The following PDIA5 variants were observed in gnomAD, a reference collection of about 807,000 sequenced individuals.
PDIA5 encodes the protein protein disulfide-isomerase A5.
In PDIA5, 58 loss-of-function variants were observed where a neutral mutation model predicts 77.6. The observed-to-expected ratio is 0.75, with a 90% CI of 0.61 to 0.93. The LOEUF (loss-of-function observed/expected upper bound fraction) is 0.93. PDIA5 is among the 40% of genes least tolerant of loss of function. The pLI is 0.00. For missense variants in PDIA5, 630 were observed against 647.7 expected (o/e 0.97, Z 0.30); for synonymous variants, 250 against 252.1 (o/e 0.99, Z 0.08).
At chr3:123,160,644 C>T (rs1253340067) in intron 15 of PDIA5, among the ~76,000 whole-genome samples, 3 of 152,176 alleles carry the variant, frequency 2.0e-5, no homozygotes, top group South Asian at 2.1e-4. Context: ...TAAGTGGGGA[C>T]AGAGCTTGTA....
chr3:123,111,049 C>G, intron 7 of PDIA5, 45 bp downstream of exon 7: 1 of 1,056,932 alleles, frequency 9.5e-7, no homozygotes, highest in Non-Finnish European at 1.4e-6. Flanking sequence ...TGTTTAGTCT[C>G]TTTGTGGGTG....
At chr3:123,116,979 A>G (rs1193740694) in intron 8 of PDIA5, among the ~76,000 whole-genome samples, 2 of 137,530 alleles carry the variant, frequency 1.5e-5, no homozygotes, top group African/African-American at 2.7e-5. Context: ...AGCAGCTGGG[A>G]TGGGGCGGGG....
At chr3:123,131,802 G>C (rs548378076) in intron 11 of PDIA5, among the ~76,000 whole-genome samples, 2 of 152,010 alleles carry the variant, frequency 1.3e-5, no homozygotes, top group East Asian at 3.9e-4. Flanking sequence ...GTTTCCAAGA[G>C]GGACAAGGCT....
chr3:123,151,283 G>A (rs577057298), intron 14 of PDIA5, among the ~76,000 whole-genome samples: 10 of 152,330 alleles, frequency 6.6e-5, no homozygotes, highest in African/African-American at 1.2e-4. Context: ...CAGAGCTTCC[G>A]GCTGTCCTCT....
chr3:123,136,537 G>A (rs1001994638), intron 11 of PDIA5, among the ~76,000 whole-genome samples: 2 of 151,968 alleles, frequency 1.3e-5, no homozygotes, highest in Non-Finnish European at 2.9e-5. Flanking sequence ...TCAGAAGTTC[G>A]AGACCAGCCT....
intron 7 of PDIA5, among the ~76,000 whole-genome samples, chr3:123,111,268 G>T (rs1934857339): frequency 6.6e-6 from 1 of 152,122 alleles, no homozygotes; most frequent in Admixed American, 6.6e-5. Flanking sequence ...ACCCTGTTTG[G>T]TCAGCTCCAC....
chr3:123,115,199 T>G (rs1934967283), intron 7 of PDIA5, among the ~76,000 whole-genome samples: 2 of 152,208 alleles, frequency 1.3e-5, no homozygotes, highest in South Asian at 4.1e-4. Flanking sequence ...AGCCCTGTTT[T>G]GTAGCAGAGA....
chr3:123,105,352 C>G (rs898312464), intron 5 of PDIA5, among the ~76,000 whole-genome samples: 1 of 152,244 alleles, frequency 6.6e-6, no homozygotes. Flanking sequence ...CAGCATCTTT[C>G]TCACATGGCC....
At chr3:123,109,445 G>A (rs1042328208) in intron 6 of PDIA5, among the ~76,000 whole-genome samples, 7 of 152,148 alleles carry the variant, frequency 4.6e-5, no homozygotes, top group African/African-American at 1.7e-4. Flanking sequence ...TTTGCATCCT[G>A]TACCCGTAGT....
intron 3 of PDIA5, among the ~76,000 whole-genome samples, chr3:123,097,651 G>A (rs1054464876): frequency 6.6e-6 from 1 of 152,108 alleles, no homozygotes; most frequent in Non-Finnish European, 1.5e-5. Flanking sequence ...CTTGGCATCA[G>A]GCAGTCACTC....
At chr3:123,099,746 C>T (rs746210673) in intron 3 of PDIA5, among the ~76,000 whole-genome samples, 24 of 152,204 alleles carry the variant, frequency 1.6e-4, no homozygotes, top group Non-Finnish European at 2.9e-4. Context: ...AGACTGCTGT[C>T]GTGGGACTTT....
chr3:123,154,544 G>T (rs73856855), intron 14 of PDIA5, among the ~76,000 whole-genome samples: 4 of 152,060 alleles, frequency 2.6e-5, no homozygotes, highest in African/African-American at 4.8e-5. Flanking sequence ...ATTTCCCAAC[G>T]CCACTTCCTC....
chr3:123,106,127 G>C (rs1015318277), intron 5 of PDIA5, among the ~76,000 whole-genome samples: 2 of 152,220 alleles, frequency 1.3e-5, no homozygotes, highest in Non-Finnish European at 2.9e-5. Flanking sequence ...ATAGCAACAA[G>C]GGTGAGGCCA....
At chr3:123,071,250 C>T (rs1397960166) in intron 1 of PDIA5, among the ~76,000 whole-genome samples, 1 of 152,084 alleles carries the variant, frequency 6.6e-6, no homozygotes, top group African/African-American at 2.4e-5. Flanking sequence ...CACTCAAGGC[C>T]ACCCAGTTAG....
chr3:123,146,530 A>G (rs1323112782), intron 13 of PDIA5, among the ~76,000 whole-genome samples: 2 of 152,194 alleles, frequency 1.3e-5, no homozygotes, highest in Non-Finnish European at 2.9e-5. Context: ...CCTTAGGCCC[A>G]GATCTTATTG....
intron 15 of PDIA5, among the ~76,000 whole-genome samples, chr3:123,158,783 G>A (rs1375603932): frequency 6.6e-6 from 1 of 152,232 alleles, no homozygotes. Context: ...AGAACAAATT[G>A]AGAAATCGTA....
intron 5 of PDIA5, among the ~76,000 whole-genome samples, chr3:123,104,117 G>C (rs1030640236): frequency 6.6e-6 from 1 of 152,100 alleles, no homozygotes; most frequent in African/African-American, 2.4e-5. Context: ...TCCTGGCTTC[G>C]CCCCACTTCT....
intron 5 of PDIA5, among the ~76,000 whole-genome samples, chr3:123,105,375 G>A (rs554445962): frequency 6.6e-6 from 1 of 152,220 alleles, no homozygotes; most frequent in Non-Finnish European, 1.5e-5. Flanking sequence ...GTGGACAGGT[G>A]CCTCTGCAGC....
chr3:123,092,294 T>C lies in PDIA5; in HGVS notation c.170-61T>C, dbSNP rs574139787. ...ATCCTTCCTCACCCCTGAGGGAAGA[T>C]AGCAGACATGACCCAGTGCCCTTGG... On this transcript the variant is annotated intron_variant, in intron 2 of 16. Transcript: ENST00000316218. 508 of 1,355,420 alleles carry C rather than the reference T, an allele frequency of 3.7e-4. 1 individual carries two copies. Among genetic ancestry groups the C allele is most frequent in the South Asian group, 1.3e-3 (111 of 85,482 alleles). 84.0% of individuals were successfully genotyped at this position (1,355,420 alleles called of 1,614,324 possible).
Sources: gnomAD v4.1 joint callset for allele counts (sites outside exome capture counted in the v4.1 genomes callset) on GRCh38, gnomAD v4.1.1 for gene constraint, MANE v1.5 for transcripts, NCBI Gene and HGNC (gene_info 2026-07-23, HGNC 2026-07-21) for gene names.